The following CUL2 variants were observed in gnomAD, a reference collection of about 807,000 sequenced individuals.
The protein encoded by CUL2 is cullin-2.
In CUL2, 22 loss-of-function variants were observed where a neutral mutation model predicts 110.2. That is an observed-to-expected ratio of 0.20 (90% CI 0.14 to 0.28). The LOEUF (loss-of-function observed/expected upper bound fraction) is 0.28. CUL2 is among the 10% of genes least tolerant of loss of function. CUL2 has a pLI of 1.00. For synonymous variants in CUL2, 279 were observed against 293.2 expected, an observed-to-expected ratio of 0.95 and a Z score of 0.49; for missense variants, 631 against 905.5, an observed-to-expected ratio of 0.70 and a Z score of 3.89.
At chr10:35,015,429 A>G (rs1055673250) in intron 18 of CUL2, among the ~76,000 whole-genome samples, 3 of 152,214 alleles carry the variant, frequency 2.0e-5, no homozygotes, top group African/African-American at 4.8e-5. Context: ...ATAAAATGTC[A>G]TCATAATCCT....
At position 35,013,787 on chromosome 10, in the gene CUL2, G is replaced by T. The variant is rs1419093775; in HGVS notation, c.1901C>A (p.Ala634Glu). The T allele has an allele frequency of 1.3e-6, 2 of 1,509,466 alleles. No homozygotes were observed. Among genetic ancestry groups the T allele is most frequent in the Non-Finnish European group, 1.8e-6 (2 of 1,115,564 alleles). 93.5% of individuals were successfully genotyped at this position (1,509,466 alleles called of 1,614,324 possible). A position where few individuals can be genotyped will look rare whatever the true frequency, so the allele number is the denominator to read the frequency against. ...NHDSEKEDID[A>E]ESSFSLNMNF... ...CATATTTAATGAAAACGAAGATTCTGCATCAATATCTTCCTACATTTAAAA... is the reference window on the plus strand; with the variant it reads ...CATATTTAATGAAAACGAAGATTCTTCATCAATATCTTCCTACATTTAAAA... Residue 634 changes from alanine to glutamate, a missense_variant, in exon 19 of 21, where the codon GCA (alanine) becomes GAA (glutamate). Around this residue, in one of 3 missense-constraint regions of CUL2, gnomAD observed 159 missense variants for 202.7 expected, o/e 0.78. Coordinates refer to ENST00000374749, the MANE Select transcript of CUL2 (RefSeq NM_003591.4).
chr10:35,080,029 T>C (rs1421841534), intron 1 of CUL2, among the ~76,000 whole-genome samples: 1 of 152,234 alleles, frequency 6.6e-6, no homozygotes, highest in Non-Finnish European at 1.5e-5. Flanking sequence ...AATTTAATTA[T>C]GAGTTATTTC....
chr10:35,024,675 T>C (rs1373549720), intron 17 of CUL2, among the ~76,000 whole-genome samples: 3 of 152,194 alleles, frequency 2.0e-5, no homozygotes, highest in Non-Finnish European at 4.4e-5. Context: ...TGGAAACTAT[T>C]GAAAATTAAG....
chr10:35,105,557 A>T (rs1282394046), intron 1 of CUL2, among the ~76,000 whole-genome samples: 2 of 149,312 alleles, frequency 1.3e-5, no homozygotes, highest in African/African-American at 2.5e-5. Flanking sequence ...AATACAAAAA[A>T]ATTTGCCGGG....
chr10:35,110,670 GA>G, intron 1 of CUL2, among the ~76,000 whole-genome samples: 1 of 152,158 alleles, frequency 6.6e-6, no homozygotes, highest in East Asian at 1.9e-4. Context: ...GGGCCTAAGG[GA>G]GGAGTCTGTT....
intron 1 of CUL2, among the ~76,000 whole-genome samples, chr10:35,086,597 T>G (rs2087071026): frequency 6.6e-6 from 1 of 151,902 alleles, no homozygotes; most frequent in Non-Finnish European, 1.5e-5. Flanking sequence ...GGAAACAGCT[T>G]TTTAAACAAC....
intron 2 of CUL2, among the ~76,000 whole-genome samples, chr10:35,068,515 T>C (rs2086594758): frequency 6.6e-6 from 1 of 152,212 alleles, no homozygotes; most frequent in Middle Eastern, 3.4e-3. Context: ...ACTTAGAGGG[T>C]CACGTGTTTC....
At chr10:35,077,357 G>A (rs184334871) in intron 1 of CUL2, among the ~76,000 whole-genome samples, 2 of 151,394 alleles carry the variant, frequency 1.3e-5, no homozygotes, top group African/African-American at 4.8e-5. Context: ...AATTAGCCGG[G>A]TGTGGTGGTG....
chr10:35,112,897 A>G (rs1166973439), intron 1 of CUL2, among the ~76,000 whole-genome samples: 1 of 152,138 alleles, frequency 6.6e-6, no homozygotes, highest in African/African-American at 2.4e-5. Flanking sequence ...ACTGCACACT[A>G]CATAAAAGAA....
intron 9 of CUL2, 108 bp downstream of exon 9, chr10:35,038,812 A>C: frequency 1.6e-6 from 1 of 631,260 alleles, no homozygotes; most frequent in Non-Finnish European, 2.5e-6. Context: ...GTTATTTAAA[A>C]TATTTTAAAG....
chr10:35,119,272 T>C (rs2087645778), intron 1 of CUL2, among the ~76,000 whole-genome samples: 1 of 152,234 alleles, frequency 6.6e-6, no homozygotes, highest in Admixed American at 6.5e-5. Context: ...GTACCTGTTT[T>C]CATTGGTTCA....
intron 6 of CUL2, among the ~76,000 whole-genome samples, chr10:35,049,327 C>T (rs528271808): frequency 4.6e-5 from 7 of 152,096 alleles, no homozygotes; most frequent in Admixed American, 1.3e-4. Flanking sequence ...GTGGTCCTCA[C>T]GAGGATTTAA....
At chr10:35,030,531 C>T (rs979465454) in intron 14 of CUL2, among the ~76,000 whole-genome samples, 7 of 152,034 alleles carry the variant, frequency 4.6e-5, no homozygotes, top group African/African-American at 1.4e-4. Flanking sequence ...TAGAGGAACA[C>T]GCCACCAAGC....
chr10:35,041,002 G>C (rs1442957513), intron 8 of CUL2, among the ~76,000 whole-genome samples: 1 of 152,068 alleles, frequency 6.6e-6, no homozygotes, highest in Non-Finnish European at 1.5e-5. Flanking sequence ...GTCAGTACTG[G>C]TCCTCCCCAG....
At position 35,124,619 on chromosome 10, in the gene CUL2, T is replaced by G. The variant is rs550537606; in HGVS notation, c.-51+1986A>C. ...TGAAATGTAAATGTGCAACCCGGAA[T>G]TGGCAACTCTGTGGCCTTCCTTATA... On this transcript the variant is annotated intron_variant, in intron 1 of 5. Transcript: ENST00000685421. Among the ~76,000 whole-genome samples the G allele has an allele frequency of 2.6e-5, 4 of 152,234 alleles. No homozygotes were observed. The East Asian group carries it at 7.7e-4, about 29-fold the overall frequency.
intron 14 of CUL2, among the ~76,000 whole-genome samples, chr10:35,029,870 G>A (rs1041595495): frequency 2.0e-5 from 3 of 152,030 alleles, no homozygotes; most frequent in African/African-American, 7.2e-5. Flanking sequence ...CACCTATCTA[G>A]GAACAATAAA....
chr10:35,051,978 T>C (rs1327326217), intron 5 of CUL2, among the ~76,000 whole-genome samples: 2 of 152,218 alleles, frequency 1.3e-5, no homozygotes, highest in African/African-American at 4.8e-5. Context: ...GTAATAGGCA[T>C]ATGTGTGGTC....
chr10:35,112,715 T>G (rs1422851506), intron 1 of CUL2, among the ~76,000 whole-genome samples: 1 of 152,100 alleles, frequency 6.6e-6, no homozygotes, highest in African/African-American at 2.4e-5. Context: ...TGGAAATAAA[T>G]TATTCATGTT....
chr10:35,035,082 C>T lies in CUL2; in HGVS notation c.1002+90G>A. 11 of 1,458,152 alleles carry T rather than the reference C, an allele frequency of 7.5e-6. No individual in the cohort carries two copies. In the Admixed American group the frequency reaches 1.2e-4, roughly 15 times the overall value. The allele number at this position is 1,458,152 out of a possible 1,614,324, so 90.3% of individuals were successfully genotyped here. On this transcript the variant is annotated intron_variant, in intron 10 of 20. Coordinates refer to ENST00000374749, the MANE Select transcript of CUL2 (RefSeq NM_003591.4). ...TTTCGTTGGCATGGTAAGACTTTTT[C>T]TTTCATCTTTCAAAACAATAAAGTC...
Sources: gnomAD v4.1 joint callset for allele counts (sites outside exome capture counted in the v4.1 genomes callset) on GRCh38, gnomAD v4.1.1 for gene constraint, gnomAD v4.1.1 regional missense constraint, MANE v1.5 for transcripts, NCBI Gene and HGNC (gene_info 2026-07-23, HGNC 2026-07-21) for gene names.